The following JAKMIP1 variants were observed in gnomAD, a reference collection of about 807,000 sequenced individuals.
JAKMIP1 encodes the protein janus kinase and microtubule interacting protein 1.
A neutral mutation model predicts 113.0 loss-of-function variants in JAKMIP1; 33 were observed. The ratio of observed to expected loss-of-function variants is 0.29; its 90% CI spans 0.22 to 0.39. The LOEUF is 0.39. Among genes scored for constraint, JAKMIP1 ranks in the 10% least tolerant of loss-of-function variants. The probability of loss-of-function intolerance (pLI) is 1.00; values close to 1 mark genes in which losing one functional copy is unlikely to be tolerated. For synonymous variants in JAKMIP1, 480 were observed against 459.9 expected (o/e 1.04, Z -0.56); for missense variants, 813 against 1,080.5 (o/e 0.75, Z 3.47).
chr4:6,028,671 T>C (rs759752255), intron 20 of JAKMIP1, among the ~76,000 whole-genome samples: 4 of 152,078 alleles, frequency 2.6e-5, no homozygotes, highest in Non-Finnish European at 4.4e-5. Flanking sequence ...CTCAGACACA[T>C]AAAGCCCAGA....
Position 6,029,705 on chromosome 4 carries a change from C to T in JAKMIP1, c.2445+11G>A. The T allele has an allele frequency of 6.3e-7, 1 of 1,578,858 alleles. No individual in the cohort carries two copies. The highest frequency in any genetic ancestry group is 1.1e-5 in the South Asian group (1 of 87,170). On this transcript the variant is annotated intron_variant, in intron 20 of 20. Transcript: ENST00000409021. The stretch of plus-strand genomic sequence containing the variant: ...AGAAACCTGGGGACAGTCTGAGCTG[C>T]AGTCACCTACCTTTTCCTCCAGTTC...
rs535402742 is a variant in JAKMIP1, at chr4:6,065,386, A to T, written c.1303-378T>A. ...ATGCCCTGTGCCCAGAAAGCAGCCC[A>T]GCACTCCGTCACGCTCCATGAGCAG... is the stretch of plus-strand genomic sequence containing the variant. On this transcript the variant is annotated intron_variant, in intron 8 of 20. Coordinates refer to ENST00000409021, the MANE Select transcript of JAKMIP1 (RefSeq NM_001099433.2). This position sits in a 1 kb window ranked among gnomAD's most constrained non-coding sequence, Gnocchi z 5.1. Among the ~76,000 whole-genome samples, 1 of 152,364 alleles carries T rather than the reference A, an allele frequency of 6.6e-6. No homozygotes were observed. Among genetic ancestry groups the T allele is most frequent in the East Asian group, 1.9e-4 (1 of 5,182 alleles).
Position 6,137,925 on chromosome 4 carries a change from T to C in JAKMIP1, c.-147-24928A>G, listed in dbSNP as rs910877027. On this transcript the variant is annotated intron_variant, in intron 1 of 20. Transcript: ENST00000409021. The surrounding 1 kb of genome is among the most constrained non-coding windows in gnomAD (Gnocchi z 4.5). ...CTGGCAGACAAGGTGTGCTCTGGCG[T>C]TGGGGGTCCCACCATGGCCTTCTCC... is the stretch of plus-strand genomic sequence containing the variant. 6.6e-6 allele frequency among the ~76,000 whole-genome samples: 1 copy of C among 152,054 alleles called. No homozygotes were observed. Among genetic ancestry groups the C allele is most frequent in the Non-Finnish European group, 1.5e-5 (1 of 68,018 alleles).
At chr4:6,079,153 A>G (rs1720128042) in intron 7 of JAKMIP1, among the ~76,000 whole-genome samples, 155 bp from the exon 8 acceptor site, 2 of 152,230 alleles carry the variant, frequency 1.3e-5, no homozygotes. Context: ...CTCTGAACTG[A>G]GAGCTACAGG....
chr4:6,107,400 C>T (rs972221026), intron 2 of JAKMIP1, among the ~76,000 whole-genome samples: 2 of 152,148 alleles, frequency 1.3e-5, no homozygotes, highest in African/African-American at 4.8e-5. Context: ...TGTTGTGGGT[C>T]GACTTGGCTG....
chr4:6,182,874 G>A (rs991445272), intron 1 of JAKMIP1, among the ~76,000 whole-genome samples: 1 of 152,166 alleles, frequency 6.6e-6, no homozygotes, highest in Admixed American at 6.5e-5. Flanking sequence ...CAGCCATCCC[G>A]AGGAAGAAGG....
chr4:6,165,613 T>C (rs967203561), intron 1 of JAKMIP1, among the ~76,000 whole-genome samples: 3 of 152,254 alleles, frequency 2.0e-5, no homozygotes, highest in African/African-American at 4.8e-5. Context: ...AAAGTATTTT[T>C]AAATTAAGGT....
chr4:6,096,060 G>A (rs1711691030), intron 3 of JAKMIP1, among the ~76,000 whole-genome samples: 1 of 152,204 alleles, frequency 6.6e-6, no homozygotes, highest in South Asian at 2.1e-4. Context: ...CAGTGAGAAA[G>A]AACCAGCGGT....
Position 6,050,473 on chromosome 4 carries a change from C to T in JAKMIP1, c.1908+105G>A, listed in dbSNP as rs1279068855. 1 of 745,144 alleles carries T rather than the reference C, an allele frequency of 1.3e-6. No individual in the cohort carries two copies. Among genetic ancestry groups the T allele is most frequent in the Non-Finnish European group, 2.2e-6 (1 of 444,572 alleles). The allele number at this position is 745,144 out of a possible 1,614,324, so 46.2% of individuals were successfully genotyped here. A position where few individuals can be genotyped will look rare whatever the true frequency, so the allele number is the denominator to read the frequency against. On this transcript the variant is annotated intron_variant, in intron 14 of 20. Transcript: ENST00000409021. This position sits in a 1 kb window ranked among gnomAD's most constrained non-coding sequence, Gnocchi z 7.4. ...CTGTGACTTTCAACACAAGGGGTAT[C>T]TCATGAAAATCAATTCTATCCCAGC...
intron 19 of JAKMIP1, 98 bp downstream of exon 19, chr4:6,035,806 T>C (rs1180559243): frequency 1.9e-6 from 2 of 1,032,206 alleles, no homozygotes; most frequent in African/African-American, 1.6e-5. Flanking sequence ...CTCCCTGGAA[T>C]GAGCCTGGGG....
chr4:6,173,991 C>T (rs1578466914), intron 1 of JAKMIP1, among the ~76,000 whole-genome samples: 1 of 152,236 alleles, frequency 6.6e-6, no homozygotes, highest in South Asian at 2.1e-4. Context: ...ATCGCTTGAA[C>T]CTGGAAGGTG....
intron 1 of JAKMIP1, among the ~76,000 whole-genome samples, chr4:6,171,030 A>C (rs1724582663): frequency 6.7e-6 from 1 of 148,200 alleles, no homozygotes; most frequent in African/African-American, 2.5e-5. Context: ...AATCACCACC[A>C]TCACCACCCT....
rs1719580690 is a variant in JAKMIP1 at position 6,138,418 on chromosome 4, G to T, written c.-147-25421C>A. Among the ~76,000 whole-genome samples, 1 of 151,880 alleles carries T rather than the reference G, an allele frequency of 6.6e-6. No homozygotes were observed. The highest frequency in any genetic ancestry group is 1.5e-5 in the Non-Finnish European group (1 of 67,970). ...CACCTGGCTCATTTTTGTATTTTTA[G>T]TAGAGATGGGGTTTCGCCATGTTGA... On this transcript the variant is annotated intron_variant, in intron 1 of 20. Transcript: ENST00000409021. This position sits in a 1 kb window ranked among gnomAD's most constrained non-coding sequence, Gnocchi z 6.0.
intron 3 of JAKMIP1, among the ~76,000 whole-genome samples, chr4:6,100,661 A>T (rs138931640): frequency 3.9e-4 from 59 of 152,334 alleles, no homozygotes; most frequent in African/African-American, 1.4e-3. Flanking sequence ...AAAACCATTT[A>T]TCAAGGTGGC....
chr4:6,175,452 T>G (rs1180754404), intron 1 of JAKMIP1, among the ~76,000 whole-genome samples: 1 of 152,208 alleles, frequency 6.6e-6, no homozygotes, highest in Non-Finnish European at 1.5e-5. Flanking sequence ...TTGCAACACT[T>G]TCAAGAATTT....
intron 1 of JAKMIP1, among the ~76,000 whole-genome samples, chr4:6,175,744 G>A (rs1002856061): frequency 4.6e-5 from 7 of 152,182 alleles, no homozygotes; most frequent in African/African-American, 1.2e-4. Flanking sequence ...TGGCTCTCTC[G>A]GCACCTGGAA....
chr4:6,147,809 C>G (rs891529560), intron 1 of JAKMIP1, among the ~76,000 whole-genome samples: 1 of 152,262 alleles, frequency 6.6e-6, no homozygotes, highest in African/African-American at 2.4e-5. Flanking sequence ...GGCACCCAAG[C>G]TCTTGTGCTT....
chr4:6,116,155 G>A lies in JAKMIP1; in HGVS notation c.-147-3158C>T, dbSNP rs1272300709. Among the ~76,000 whole-genome samples the A allele has an allele frequency of 6.6e-6, 1 of 152,040 alleles. No individual in the cohort carries two copies. The highest frequency in any genetic ancestry group is 1.9e-4 in the East Asian group (1 of 5,192). ...GGGCCAAGTCAATCTCGGAGCTCAG[G>A]GTGGGCCCCAGCAGCCGGCCTCTGT... On this transcript the variant is annotated intron_variant, in intron 1 of 20. Transcript: ENST00000409021. The surrounding 1 kb of genome is among the most constrained non-coding windows in gnomAD (Gnocchi z 5.1).
At chr4:6,078,893 C>G (rs1357399478) in intron 8 of JAKMIP1, 46 bp downstream of exon 8, 1 of 1,606,580 alleles carries the variant, frequency 6.2e-7, no homozygotes, top group Admixed American at 1.7e-5. Context: ...CCTGCAGATC[C>G]GTGACACAGC....
Sources: allele counts gnomAD v4.1 joint callset (sites outside exome capture counted in the v4.1 genomes callset), GRCh38; gene constraint gnomAD v4.1.1; non-coding constraint Gnocchi (gnomAD v3.1); transcripts MANE v1.5; gene names NCBI Gene and HGNC (gene_info 2026-07-23, HGNC 2026-07-21).